Variants in LAMC1 observed in about 807,000 individuals in gnomAD.
LAMC1 encodes the protein laminin subunit gamma-1.
In LAMC1, 38 loss-of-function variants were observed where a neutral mutation model predicts 173.6. The ratio of observed to expected loss-of-function variants is 0.22; its 90% CI spans 0.17 to 0.29. The LOEUF (loss-of-function observed/expected upper bound fraction) is 0.29, where lower values mean the gene tolerates loss of function less well. LAMC1 is among the 10% of genes least tolerant of loss of function. The pLI, the probability that LAMC1 is intolerant of heterozygous loss-of-function variation, is 1.00. For synonymous variants in LAMC1, 746 were observed against 749.1 expected, an observed-to-expected ratio of 1.00 and a Z score of 0.07; for missense variants, 1,824 against 2,051.8, an observed-to-expected ratio of 0.89 and a Z score of 2.14.
chr1:183,127,135 C>A, intron 16 of LAMC1, 91 bp from the exon 17 acceptor site: 2 of 1,234,572 alleles, frequency 1.6e-6, no homozygotes, highest in Non-Finnish European at 2.3e-6. Context: ...GTATAGTCAG[C>A]TTATAGTCAG....
At chr1:183,064,915 C>T (rs538177834) in intron 1 of LAMC1, among the ~76,000 whole-genome samples, 4 of 152,256 alleles carry the variant, frequency 2.6e-5, no homozygotes, top group African/African-American at 9.6e-5. Context: ...CTGCAGGGTG[C>T]ACTCACACAC....
chr1:183,041,644 A>G (rs910175285), intron 1 of LAMC1, among the ~76,000 whole-genome samples: 1 of 152,214 alleles, frequency 6.6e-6, no homozygotes, highest in Non-Finnish European at 1.5e-5. Context: ...TTTATTAAGC[A>G]CCTGTTACAC....
chr1:183,132,744 C>T (rs982505379), intron 21 of LAMC1, among the ~76,000 whole-genome samples: 1 of 151,684 alleles, frequency 6.6e-6, no homozygotes, highest in African/African-American at 2.4e-5. Flanking sequence ...ACTGTAACTA[C>T]AGAGAATAGT....
intron 26 of LAMC1, among the ~76,000 whole-genome samples, chr1:183,140,184 C>T (rs2102116142): frequency 8.2e-6 from 1 of 122,156 alleles, no homozygotes; most frequent in East Asian, 2.7e-4. Context: ...ACTGCCTAGT[C>T]ATAACTTTGA....
chr1:183,033,281 T>C lies in LAMC1; in HGVS notation c.418+9147T>C, dbSNP rs115916291. On this transcript the variant is annotated intron_variant, in intron 1 of 27. Coordinates refer to ENST00000258341, the MANE Select transcript of LAMC1 (RefSeq NM_002293.4). ...AGTTATGAGCCCATTTTCATTGAAGTACCTGCAGAGCCCTCTCATACAATC... is the reference window on the plus strand; with the variant it reads ...AGTTATGAGCCCATTTTCATTGAAGCACCTGCAGAGCCCTCTCATACAATC... 1.8e-3 allele frequency among the ~76,000 whole-genome samples: 273 copies of C among 152,364 alleles called. 1 individual carries two copies. Among genetic ancestry groups the C allele is most frequent in the African/African-American group, 6.1e-3 (254 of 41,586 alleles).
Position 183,125,439 on chromosome 1 carries a change from G to A in LAMC1, c.2690G>A (p.Ser897Asn). ...NLYGTMKQQS[S>N]CNPVTGQCEC... ...TATGGGACCATGAAGCAGCAGAGCA[G>A]CTGTAACCCCGTGACGGGGCAGTGT... Residue 897 changes from serine (S) to asparagine (N), a missense_variant, in exon 15 of 28, where the codon AGC (serine) becomes AAC (asparagine). Ser to Asn is a conservative substitution (Grantham distance 46). Coordinates refer to ENST00000258341, the MANE Select transcript of LAMC1 (RefSeq NM_002293.4). 1 of 1,614,160 alleles carries A rather than the reference G, an allele frequency of 6.2e-7. No homozygotes were observed. Among genetic ancestry groups the A allele is most frequent in the Middle Eastern group, 1.6e-4 (1 of 6,062 alleles).
chr1:183,128,684 G>A lies in LAMC1; in HGVS notation c.3214G>A (p.Glu1072Lys), dbSNP rs770711197. 6.8e-5 allele frequency: 110 copies of A among 1,613,668 alleles called. No individual in the cohort carries two copies. The highest frequency in any genetic ancestry group is 9.3e-5 in the African/African-American group (7 of 74,912). The stretch of plus-strand genomic sequence containing the variant: ...TGAGATGGTGACAGATCAAGCCTTC[G>A]AGGATAGACTAAAGGAAGCAGAGAG... ...GDEMVTDQAF[E>K]DRLKEAEREV... Residue 1072 changes from glutamate (E) to lysine (K), a missense_variant, in exon 18 of 28, where the codon GAG becomes AAG. By Grantham distance (56) the Glu-to-Lys change is moderately conservative (BLOSUM62 1). Transcript: ENST00000258341.
chr1:183,141,036 T>C (rs1571470064), intron 27 of LAMC1: 1 of 152,366 alleles, frequency 6.6e-6, no homozygotes, highest in East Asian at 1.9e-4. Context: ...ACAGGCTGGG[T>C]GTGATGGCTC....
At chr1:183,028,706 C>T (rs539109297) in intron 1 of LAMC1, among the ~76,000 whole-genome samples, 2 of 152,312 alleles carry the variant, frequency 1.3e-5, no homozygotes, top group African/African-American at 4.8e-5. Flanking sequence ...TCAGAGATAC[C>T]AGACTCCTTT....
At chr1:183,069,390 T>C (rs544913459) in intron 1 of LAMC1, among the ~76,000 whole-genome samples, 28 of 152,204 alleles carry the variant, frequency 1.8e-4, no homozygotes, top group Non-Finnish European at 3.5e-4. Context: ...ATGTAAAACT[T>C]AATTATTAAA....
rs372472023 is a variant in LAMC1 at position 183,127,266 on chromosome 1, C to T, written c.2985C>T (p.Cys995=). The change falls in exon 17 of 28, where the codon TGC becomes TGT. Residue 995 remains cysteine, a synonymous_variant. Coordinates refer to ENST00000258341, the MANE Select transcript of LAMC1 (RefSeq NM_002293.4). ...CTGAGGGATCTCTTTCACTTCAGTG[C>T]AAAGATGATGGTCGCTGTGAATGCA... ...CHPEGSLSLQ[C]KDDGRCECRE... 6.2e-6 allele frequency: 10 copies of T among 1,613,980 alleles called. No individual in the cohort carries two copies. The highest frequency in any genetic ancestry group is 8.5e-6 in the Non-Finnish European group (10 of 1,179,998).
chr1:183,069,386 AACTT>A (rs1206439709), intron 1 of LAMC1, among the ~76,000 whole-genome samples: 5 of 152,340 alleles, frequency 3.3e-5, no homozygotes, highest in East Asian at 3.9e-4. Flanking sequence ...ATATATGTAA[AACTT>A]AATTATTAAA....
rs1184773554 is a variant in LAMC1 at position 183,117,994 on chromosome 1, G to T, written c.1878-40G>T. On this transcript the variant is annotated intron_variant, in intron 10 of 27. Coordinates refer to ENST00000258341, the MANE Select transcript of LAMC1 (RefSeq NM_002293.4). Reference sequence around the variant, plus strand: ...AAATATTTCCCCAACATCCAGAATTGTCCTTACAGAGGTTAATGTGGCCCT... The same window carrying T: ...AAATATTTCCCCAACATCCAGAATTTTCCTTACAGAGGTTAATGTGGCCCT... The T allele has an allele frequency of 1.0e-5, 12 of 1,188,246 alleles. No individual in the cohort carries two copies. In the African/African-American group the frequency reaches 1.8e-4, roughly 18 times the overall value. The allele number at this position is 1,188,246 out of a possible 1,614,324, so 73.6% of individuals were successfully genotyped here.
At chr1:183,105,120 G>T (rs1039847458) in intron 2 of LAMC1, among the ~76,000 whole-genome samples, 2 of 150,740 alleles carry the variant, frequency 1.3e-5, no homozygotes, top group African/African-American at 2.4e-5. Flanking sequence ...CCCTGGCTGG[G>T]AGGCTGAGGC....
chr1:183,056,413 C>A (rs1013327111), intron 1 of LAMC1, among the ~76,000 whole-genome samples: 1 of 152,186 alleles, frequency 6.6e-6, no homozygotes, highest in Non-Finnish European at 1.5e-5. Flanking sequence ...GTTTCTGTTT[C>A]TTCCCTGTAT....
Position 183,108,380 on chromosome 1 carries a change from C to T in LAMC1, c.828C>T (p.Ala276=). The T allele has an allele frequency of 6.2e-7, 1 of 1,613,098 alleles. No homozygotes were observed. Among genetic ancestry groups the T allele is most frequent in the East Asian group, 2.2e-5 (1 of 44,826 alleles). ...DPKVLKSYYY[A]ISDFAVGGRC... ...AAGTTCTCAAGTCCTATTATTATGC[C>T]ATCTCTGATTTTGCTGTAGGTGGCA... The change falls in exon 3 of 28, where the codon GCC becomes GCT. Residue 276 remains alanine (A), a synonymous_variant. Transcript: ENST00000258341.
chr1:183,134,190 T>G (rs140072925), intron 22 of LAMC1, among the ~76,000 whole-genome samples: 2 of 152,362 alleles, frequency 1.3e-5, no homozygotes, highest in African/African-American at 4.8e-5. Context: ...TTTACTAAGT[T>G]TCACTTCTTA....
chr1:183,077,776 G>GTATATATATATATATATATA (rs68083893), intron 1 of LAMC1, among the ~76,000 whole-genome samples: 77 of 116,548 alleles, frequency 6.6e-4, no homozygotes, highest in African/African-American at 2.2e-3. Flanking sequence ...TGGCCATTGT[G>GTATATATATATATATATATA]TATATATATA....
chr1:183,069,376 A>G (rs1242152843), intron 1 of LAMC1, among the ~76,000 whole-genome samples: 2 of 152,244 alleles, frequency 1.3e-5, no homozygotes, highest in Non-Finnish European at 2.9e-5. Flanking sequence ...CTATTCATCA[A>G]TATATGTAAA....
Sources: gnomAD v4.1 joint callset for allele counts (sites outside exome capture counted in the v4.1 genomes callset) on GRCh38, gnomAD v4.1.1 for gene constraint, MANE v1.5 for transcripts, NCBI Gene and HGNC (gene_info 2026-07-23, HGNC 2026-07-21) for gene names.